RNF168: variants seen among roughly 807,000 people sequenced by gnomAD.
RNF168 encodes the protein E3 ubiquitin-protein ligase RNF168.
Under a neutral mutation model 34.9 loss-of-function variants are expected in RNF168, and 34 were observed. That is an observed-to-expected ratio of 0.97 (90% CI 0.74 to 1.30). RNF168 has a LOEUF of 1.30. Among genes scored for constraint, RNF168 ranks in the 50% most tolerant of loss-of-function variants. The probability of loss-of-function intolerance (pLI) is 0.00; values close to 1 mark genes in which losing one functional copy is unlikely to be tolerated. For synonymous variants in RNF168, 264 were observed against 254.7 expected (o/e 1.04, Z -0.35); for missense variants, 725 against 682.5 (o/e 1.06, Z -0.69).
At chr3:196,492,026 G>A (rs575135614) in intron 1 of RNF168, among the ~76,000 whole-genome samples, 40 of 152,310 alleles carry the variant, frequency 2.6e-4, no homozygotes, top group Non-Finnish European at 4.6e-4. Context: ...AGTTTCAAGC[G>A]TGGAAGATGA....
At chr3:196,475,792 C>T (rs560432046) in intron 4 of RNF168, among the ~76,000 whole-genome samples, 72 of 151,568 alleles carry the variant, frequency 4.8e-4, no homozygotes, top group African/African-American at 1.6e-3. Context: ...CCTCGTGATC[C>T]GCCTGCCTTG....
Position 196,469,695 on chromosome 3 carries a change from A to G in RNF168, c.*2124T>C, listed in dbSNP as rs1432636094. 6.6e-6 allele frequency: 1 copy of G among 152,218 alleles called. No individual in the cohort carries two copies. Among genetic ancestry groups the G allele is most frequent in the African/African-American group, 2.4e-5 (1 of 41,468 alleles). The allele number at this position is 152,218 out of a possible 1,614,324, so 9.4% of individuals were successfully genotyped here. On this transcript the variant is annotated 3_prime_UTR_variant, in exon 6 of 6. Transcript: ENST00000318037. The stretch of plus-strand genomic sequence containing the variant: ...GTCTTCTGATTTAACTTTCAGGAGT[A>G]AGAAAGGGCAAAACCCAAGCACCAT...
At chr3:196,473,914 T>A (rs996750617) in intron 5 of RNF168, among the ~76,000 whole-genome samples, 4 of 152,100 alleles carry the variant, frequency 2.6e-5, no homozygotes, top group Non-Finnish European at 5.9e-5. Context: ...CTTGACTGGG[T>A]GTATTTCTCA....
Position 196,501,392 on chromosome 3 carries a change from A to C in RNF168, c.301+1481T>G, listed in dbSNP as rs528152347. 3.3e-4 allele frequency among the ~76,000 whole-genome samples: 51 copies of C among 152,358 alleles called. 2 individuals are homozygous for C. The highest frequency in any genetic ancestry group is 1.7e-3 in the South Asian group (8 of 4,828). On this transcript the variant is annotated intron_variant, in intron 1 of 5. Transcript: ENST00000318037. ...GTAAAACAAATTATTATTCAGCCCG[A>C]AAAATGAAGTACTGATCCATGCCAC...
chr3:196,490,929 A>T (rs1732579761), intron 1 of RNF168, among the ~76,000 whole-genome samples: 1 of 152,270 alleles, frequency 6.6e-6, no homozygotes, highest in Non-Finnish European at 1.5e-5. Flanking sequence ...TGAGACCTAG[A>T]TCAGCAAGTC....
Position 196,472,370 on chromosome 3 carries a change from T to A in RNF168, c.1165A>T (p.Lys389Ter). The change falls in exon 6 of 6, where the codon AAA becomes TAA. Residue 389 changes from lysine to a stop codon, truncating the protein, a stop_gained. Coordinates refer to ENST00000318037, the MANE Select transcript of RNF168 (RefSeq NM_152617.4). LOFTEE classifies it low-confidence loss of function (END_TRUNC). ...GCTTCAAAGGAAGATTCTTGGTTTTTTCTTTTGGAAATCTCCTTACTGATC... is the reference window on the plus strand; with the variant it reads ...GCTTCAAAGGAAGATTCTTGGTTTTATCTTTTGGAAATCTCCTTACTGATC... ...LLISKEISKR[K>*]NQESSFEAVK... 1 of 1,614,100 alleles carries A rather than the reference T, an allele frequency of 6.2e-7. No individual in the cohort carries two copies. The highest frequency in any genetic ancestry group is 8.5e-7 in the Non-Finnish European group (1 of 1,180,020).
chr3:196,485,408 G>A (rs1732398797), intron 3 of RNF168, among the ~76,000 whole-genome samples: 1 of 152,036 alleles, frequency 6.6e-6, no homozygotes, highest in African/African-American at 2.4e-5. Context: ...TCTGGAGGCT[G>A]AGGCAGGAGC....
chr3:196,488,412 G>A (rs1249546659), intron 2 of RNF168, among the ~76,000 whole-genome samples, 195 bp downstream of exon 2: 2 of 151,786 alleles, frequency 1.3e-5, no homozygotes, highest in Non-Finnish European at 1.5e-5. Context: ...AACCCGGGAG[G>A]TGGAGGTTGC....
At chr3:196,480,682 G>C (rs1286053342) in intron 4 of RNF168, among the ~76,000 whole-genome samples, 3 of 152,128 alleles carry the variant, frequency 2.0e-5, no homozygotes, top group Admixed American at 6.6e-5. Flanking sequence ...CTTGTCTGTT[G>C]CCCAGGCTGG....
At chr3:196,484,569 C>A (rs1732380427) in intron 3 of RNF168, among the ~76,000 whole-genome samples, 1 of 149,600 alleles carries the variant, frequency 6.7e-6, no homozygotes, top group Admixed American at 6.7e-5. Flanking sequence ...GCAACCTTGA[C>A]CTCCCAGGTT....
intron 4 of RNF168, among the ~76,000 whole-genome samples, chr3:196,479,160 T>A (rs1476194150): frequency 6.6e-6 from 1 of 150,682 alleles, no homozygotes; most frequent in Non-Finnish European, 1.5e-5. Flanking sequence ...TTACAGGTGC[T>A]CGCCACCACA....
At position 196,472,595 on chromosome 3, in the gene RNF168, C is replaced by A. The variant is rs762133991; in HGVS notation, c.940G>T (p.Val314Phe). Residue 314 changes from valine (V) to phenylalanine (F), a missense_variant, in exon 6 of 6, where the codon GTC (valine) becomes TTC (phenylalanine). Val to Phe is a conservative substitution (Grantham distance 50). Transcript: ENST00000318037. ...CCATGATTGCTTGGTCTTGTTTTGA[C>A]GTTTCCTTCATGGTACCATTCGGCA... ...CGAEWYHEGN[V>F]KTRPSNHGKE... 15 of 1,614,234 alleles carry A rather than the reference C, an allele frequency of 9.3e-6. No homozygotes were observed. Among genetic ancestry groups the A allele is most frequent in the Non-Finnish European group, 1.3e-5 (15 of 1,180,044 alleles).
Position 196,487,431 on chromosome 3 carries a change from C to T in RNF168, c.526G>A (p.Glu176Lys). 1 of 1,614,198 alleles carries T rather than the reference C, an allele frequency of 6.2e-7. No individual in the cohort carries two copies. Among genetic ancestry groups the T allele is most frequent in the Non-Finnish European group, 8.5e-7 (1 of 1,180,012 alleles). Residue 176 changes from glutamate (E) to lysine (K), a missense_variant, in exon 3 of 6, where the codon GAG becomes AAG. Physicochemically the swap from Glu to Lys is moderately conservative, Grantham distance 56. Transcript: ENST00000318037. ...RAMEEQLKSDEELARKLSIDI... is the reference protein window; with the variant it reads ...RAMEEQLKSDKELARKLSIDI... ...ATGCTTAGCTTTCTTGCCAGTTCCTCATCACTTTTCAGTTGTTCTTCCATC... is the reference window on the plus strand; with the variant it reads ...ATGCTTAGCTTTCTTGCCAGTTCCTTATCACTTTTCAGTTGTTCTTCCATC...
rs1731996560 is a variant in RNF168, at chr3:196,471,236, AT to A, written c.*582del. The A allele has an allele frequency of 7.2e-6, 1 of 139,148 alleles. No individual in the cohort carries two copies. Among genetic ancestry groups the A allele is most frequent in the Non-Finnish European group, 1.6e-5 (1 of 64,510 alleles). The allele number at this position is 139,148 out of a possible 1,614,324, so 8.6% of individuals were successfully genotyped here. A position where few individuals can be genotyped will look rare whatever the true frequency, so the allele number is the denominator to read the frequency against. The stretch of plus-strand genomic sequence containing the variant: ...AAAAAAAAAAAAAAAAAAATCTGGG[AT>A]TTCCCACATATGAATATGAATCCAA... On this transcript the variant is annotated 3_prime_UTR_variant, in exon 6 of 6. Transcript: ENST00000318037.
intron 1 of RNF168, among the ~76,000 whole-genome samples, chr3:196,501,915 T>C (rs955583009): frequency 5.9e-5 from 9 of 152,002 alleles, no homozygotes; most frequent in African/African-American, 1.9e-4. Flanking sequence ...AGTAGGTGAA[T>C]TGTATGGTCT....
At chr3:196,488,051 G>A (rs183358614) in intron 2 of RNF168, among the ~76,000 whole-genome samples, 191 of 152,038 alleles carry the variant, frequency 1.3e-3, no homozygotes, top group African/African-American at 4.4e-3. Context: ...ATCCTGGTAT[G>A]GATTAAATTA....
At chr3:196,474,818 T>C (rs899596308) in intron 5 of RNF168, 1 of 209,744 alleles carries the variant, frequency 4.8e-6, no homozygotes, top group Non-Finnish European at 9.8e-6. Flanking sequence ...TTGGATTACA[T>C]AGGTCAAGGA....
At chr3:196,501,723 A>G (rs985979697) in intron 1 of RNF168, among the ~76,000 whole-genome samples, 2 of 152,192 alleles carry the variant, frequency 1.3e-5, no homozygotes, top group Non-Finnish European at 2.9e-5. Context: ...ATTTTGGACA[A>G]TATTTTAAAA....
chr3:196,498,630 T>C (rs1026423926), intron 1 of RNF168, among the ~76,000 whole-genome samples: 2 of 152,070 alleles, frequency 1.3e-5, no homozygotes, highest in Non-Finnish European at 2.9e-5. Context: ...ACTGTATCAG[T>C]GGAGAATGGC....
Sources: gnomAD v4.1 joint callset for allele counts (sites outside exome capture counted in the v4.1 genomes callset) on GRCh38, gnomAD v4.1.1 for gene constraint, MANE v1.5 for transcripts, NCBI Gene and HGNC (gene_info 2026-07-23, HGNC 2026-07-21) for gene names.